Variants in LRRC4C observed in about 807,000 individuals in gnomAD.
LRRC4C encodes the protein leucine rich repeat containing 4C, also known as leucine-rich repeat-containing protein 4C.
In LRRC4C, 5 loss-of-function variants were observed where a neutral mutation model predicts 33.6. That is an observed-to-expected ratio of 0.15 (90% CI 0.08 to 0.31). LRRC4C has a LOEUF of 0.31. Among genes scored for constraint, LRRC4C ranks in the 10% least tolerant of loss-of-function variants. The pLI is 1.00. For missense variants in LRRC4C, 560 were observed against 796.7 expected, an observed-to-expected ratio of 0.70 and a Z score of 3.58; for synonymous variants, 329 against 302.0, an observed-to-expected ratio of 1.09 and a Z score of -0.93.
chr11:40,900,651 G>A (rs932807596), intron 2 of LRRC4C, among the ~76,000 whole-genome samples: 2 of 151,740 alleles, frequency 1.3e-5, no homozygotes, highest in African/African-American at 4.8e-5. Flanking sequence ...TATTTTGGAA[G>A]AACTATATCA....
chr11:40,583,386 T>A (rs1439913575), intron 3 of LRRC4C, among the ~76,000 whole-genome samples: 1 of 152,194 alleles, frequency 6.6e-6, no homozygotes, highest in African/African-American at 2.4e-5. Context: ...GAAAAATAAC[T>A]TCACACTGTA....
chr11:40,333,788 T>C (rs1292760813), intron 3 of LRRC4C, among the ~76,000 whole-genome samples: 1 of 151,604 alleles, frequency 6.6e-6, no homozygotes, highest in Non-Finnish European at 1.5e-5. Flanking sequence ...TGAGGAACAG[T>C]TTCCAATGAG....
At chr11:40,419,490 A>G (rs1171416665) in intron 3 of LRRC4C, among the ~76,000 whole-genome samples, 1 of 152,190 alleles carries the variant, frequency 6.6e-6, no homozygotes, top group Non-Finnish European at 1.5e-5. Flanking sequence ...AAGATAGTGG[A>G]ACAACATATT....
chr11:41,278,084 A>T (rs1258471233), intron 1 of LRRC4C, among the ~76,000 whole-genome samples: 1 of 152,138 alleles, frequency 6.6e-6, no homozygotes, highest in East Asian at 1.9e-4. Context: ...GCATAATTAC[A>T]GTTAGATAGG....
chr11:41,277,217 A>T (rs1443614418), intron 1 of LRRC4C, among the ~76,000 whole-genome samples: 4 of 152,168 alleles, frequency 2.6e-5, no homozygotes, highest in African/African-American at 9.7e-5. Flanking sequence ...AAATAACATG[A>T]ATGCTAACAT....
chr11:40,692,754 A>T (rs1419137622), intron 2 of LRRC4C, among the ~76,000 whole-genome samples: 1 of 152,084 alleles, frequency 6.6e-6, no homozygotes, highest in Non-Finnish European at 1.5e-5. Context: ...TGATATTTAG[A>T]TGAATTAATG....
At chr11:40,419,703 T>C (rs1400393364) in intron 3 of LRRC4C, among the ~76,000 whole-genome samples, 3 of 152,200 alleles carry the variant, frequency 2.0e-5, no homozygotes, top group African/African-American at 7.2e-5. Flanking sequence ...ACTTTGCTTT[T>C]CACCAATAGA....
At chr11:40,696,059 G>A (rs948593401) in intron 2 of LRRC4C, among the ~76,000 whole-genome samples, 4 of 142,536 alleles carry the variant, frequency 2.8e-5, no homozygotes, top group South Asian at 2.2e-4. Context: ...GTGTGTGTGT[G>A]TATATATGAG....
intron 3 of LRRC4C, among the ~76,000 whole-genome samples, chr11:40,441,693 T>G (rs1951403157): frequency 6.6e-6 from 1 of 152,208 alleles, no homozygotes; most frequent in Non-Finnish European, 1.5e-5. Flanking sequence ...TCTGAGTTTT[T>G]TGAAGTCTTC....
chr11:40,156,686 A>C (rs1303751686), intron 5 of LRRC4C, among the ~76,000 whole-genome samples: 1 of 151,902 alleles, frequency 6.6e-6, no homozygotes, highest in Non-Finnish European at 1.5e-5. Flanking sequence ...AACAACAACA[A>C]CACTTAGAAT....
In LRRC4C at chr11:40,936,034, ATATATATATATATATATATATATATATAT is replaced by A. The variant is rs1957873263; in HGVS notation, c.-495-2340_-495-2312del. Among the ~76,000 whole-genome samples, 3 of 57,478 alleles carry A rather than the reference ATATATATATATATATATATATATATATAT, an allele frequency of 5.2e-5. 1 individual carries two copies. Among genetic ancestry groups the A allele is most frequent in the Admixed American group, 2.0e-4 (1 of 4,976 alleles). The allele number at this position is 57,478 out of a possible 152,430, so 37.7% of individuals were successfully genotyped here. A position where few individuals can be genotyped will look rare whatever the true frequency, so the allele number is the denominator to read the frequency against. On this transcript the variant is annotated intron_variant, in intron 1 of 6. Transcript: ENST00000528697. ...AAATTTTATATATATATATATATAT[ATATATATATATATATATATATATATATAT>A]ATAACATAGTTTGAACCTTAACTCT...
chr11:41,118,151 A>G (rs980814674), intron 1 of LRRC4C, among the ~76,000 whole-genome samples: 4 of 152,194 alleles, frequency 2.6e-5, no homozygotes, highest in Non-Finnish European at 5.9e-5. Flanking sequence ...TAGAAATTCC[A>G]AAGGGATGTC....
chr11:41,274,202 GA>G (rs1373893810), intron 1 of LRRC4C, among the ~76,000 whole-genome samples: 2 of 152,118 alleles, frequency 1.3e-5, no homozygotes, highest in Non-Finnish European at 2.9e-5. Flanking sequence ...TAGGGCTTGG[GA>G]GGGCAGAGGA....
intron 2 of LRRC4C, among the ~76,000 whole-genome samples, chr11:40,746,151 G>A (rs1048051733): frequency 6.6e-6 from 1 of 152,172 alleles, no homozygotes; most frequent in Non-Finnish European, 1.5e-5. Context: ...GGCTAAGCGA[G>A]AGACCCTTAG....
At chr11:41,106,589 C>T (rs185220060) in intron 1 of LRRC4C, among the ~76,000 whole-genome samples, 31 of 152,150 alleles carry the variant, frequency 2.0e-4, no homozygotes, top group East Asian at 1.6e-3. Flanking sequence ...CCATTCATTA[C>T]GTAGGGCATA....
intron 2 of LRRC4C, among the ~76,000 whole-genome samples, chr11:40,878,068 T>C (rs1954994580): frequency 6.6e-6 from 1 of 152,138 alleles, no homozygotes; most frequent in Non-Finnish European, 1.5e-5. Flanking sequence ...TTTTTAATCA[T>C]TTTGGCTAGG....
At chr11:40,346,241 C>T (rs2137048505) in intron 3 of LRRC4C, among the ~76,000 whole-genome samples, 1 of 152,248 alleles carries the variant, frequency 6.6e-6, no homozygotes, top group South Asian at 2.1e-4. Context: ...TACAAAGACA[C>T]ATGCATTTGT....
chr11:41,047,072 G>A (rs981448212), intron 1 of LRRC4C, among the ~76,000 whole-genome samples: 5 of 151,974 alleles, frequency 3.3e-5, no homozygotes, highest in African/African-American at 1.2e-4. Flanking sequence ...AAAAAATGAT[G>A]AAGCAAACCA....
intron 5 of LRRC4C, among the ~76,000 whole-genome samples, chr11:40,177,700 A>G (rs1016088610): frequency 6.6e-6 from 1 of 152,148 alleles, no homozygotes; most frequent in Non-Finnish European, 1.5e-5. Context: ...TTTTTCTCTT[A>G]TGCAGTTCCA....
Sources: gnomAD v4.1 joint callset for allele counts (sites outside exome capture counted in the v4.1 genomes callset) on GRCh38, gnomAD v4.1.1 for gene constraint, MANE v1.5 for transcripts, NCBI Gene and HGNC (gene_info 2026-07-23, HGNC 2026-07-21) for gene names.